The following ITSN1 variants were observed in gnomAD, a reference collection of about 807,000 sequenced individuals.
The protein encoded by ITSN1 is intersectin-1.
Under a neutral mutation model 239.8 loss-of-function variants are expected in ITSN1, and 58 were observed. That is an observed-to-expected ratio of 0.24 (90% CI 0.20 to 0.30). The LOEUF is 0.30. Among genes scored for constraint, ITSN1 ranks in the 10% least tolerant of loss-of-function variants. The pLI is 1.00. For missense variants in ITSN1, 1,558 were observed against 2,103.3 expected (o/e 0.74, Z 5.07); for synonymous variants, 780 against 770.8 (o/e 1.01, Z -0.20).
intron 1 of ITSN1, among the ~76,000 whole-genome samples, chr21:33,650,252 A>G (rs2088388110): frequency 6.6e-6 from 1 of 152,154 alleles, no homozygotes; most frequent in South Asian, 2.1e-4. Flanking sequence ...CAAGACATGG[A>G]TACAGTTCAT....
chr21:33,732,375 A>G (rs2066242346), intron 4 of ITSN1, among the ~76,000 whole-genome samples: 2 of 152,084 alleles, frequency 1.3e-5, no homozygotes, highest in Non-Finnish European at 2.9e-5. Flanking sequence ...CTAGTTTTTC[A>G]GGTTAATTTT....
intron 1 of ITSN1, among the ~76,000 whole-genome samples, chr21:33,679,944 T>C (rs775080885): frequency 4.6e-5 from 7 of 152,150 alleles, no homozygotes; most frequent in Non-Finnish European, 7.4e-5. Context: ...GTGATCCGCC[T>C]GTCTGGTCCT....
chr21:33,690,395 C>T (rs916018893), intron 1 of ITSN1, among the ~76,000 whole-genome samples: 5 of 151,498 alleles, frequency 3.3e-5, no homozygotes, highest in Admixed American at 6.6e-5. Flanking sequence ...GTCAGGAGAT[C>T]GAGACCATCC....
chr21:33,860,377 G>T (rs1289448936), intron 31 of ITSN1, among the ~76,000 whole-genome samples: 1 of 151,768 alleles, frequency 6.6e-6, no homozygotes, highest in African/African-American at 2.4e-5. Flanking sequence ...TCCTTGGGCA[G>T]CTATCAGTGG....
chr21:33,833,018 A>G (rs982977559), intron 27 of ITSN1, among the ~76,000 whole-genome samples: 1 of 150,782 alleles, frequency 6.6e-6, no homozygotes, highest in African/African-American at 2.4e-5. Context: ...GTGTGTGTGT[A>G]TGTGTACGCA....
At chr21:33,863,012 C>T (rs567622484) in intron 31 of ITSN1, among the ~76,000 whole-genome samples, 2 of 152,180 alleles carry the variant, frequency 1.3e-5, no homozygotes, top group Admixed American at 6.5e-5. Context: ...CATCTGTAAA[C>T]CTTTCTAGGA....
intron 27 of ITSN1, among the ~76,000 whole-genome samples, chr21:33,831,903 G>A (rs1469546910): frequency 6.6e-6 from 1 of 152,086 alleles, no homozygotes; most frequent in Non-Finnish European, 1.5e-5. Context: ...GCCTTCTCCT[G>A]TGCTGGGGAG....
chr21:33,674,442 T>A (rs1243575154), intron 1 of ITSN1, among the ~76,000 whole-genome samples: 1 of 152,162 alleles, frequency 6.6e-6, no homozygotes, highest in African/African-American at 2.4e-5. Flanking sequence ...TCTAACAAGT[T>A]CCCCATTAAT....
At position 33,819,504 on chromosome 21, in the gene ITSN1, A is replaced by G. The variant is rs2073512534; in HGVS notation, c.3016+181A>G. On this transcript the variant is annotated intron_variant, in intron 24 of 39. Transcript: ENST00000381318. ...TACTTCATGGAAAATACTGTCAGGT[A>G]TATTAATCATCAAAAACTGAATTTT... Among the ~76,000 whole-genome samples, 8 of 152,242 alleles carry G rather than the reference A, an allele frequency of 5.3e-5. No homozygotes were observed. The South Asian group carries it at 1.7e-3, about 31-fold the overall frequency.
intron 16 of ITSN1, among the ~76,000 whole-genome samples, chr21:33,789,561 G>C (rs781362725): frequency 6.6e-6 from 1 of 152,056 alleles, no homozygotes; most frequent in Non-Finnish European, 1.5e-5. Flanking sequence ...TTAACTGCTG[G>C]TCTCCTTTCA....
rs191164346 is a variant in ITSN1, at chr21:33,838,153, A to G, written c.3661+1521A>G. On this transcript the variant is annotated intron_variant, in intron 29 of 39. Coordinates refer to ENST00000381318, the MANE Select transcript of ITSN1 (RefSeq NM_003024.3). ...AAGCCCTGTTTGTCTTTTAAACACTAGTTGGAAGCTCTCAATAAAAATGCC... is the reference window on the plus strand; with the variant it reads ...AAGCCCTGTTTGTCTTTTAAACACTGGTTGGAAGCTCTCAATAAAAATGCC... 5,359 of 985,486 alleles carry G rather than the reference A, an allele frequency of 5.4e-3. 12 individuals carry two copies. The highest frequency in any genetic ancestry group is 6.6e-3 in the Admixed American group (108 of 16,294). The allele number at this position is 985,486 out of a possible 1,614,324, so 61.0% of individuals were successfully genotyped here.
chr21:33,666,761 T>C (rs573019869), intron 1 of ITSN1, among the ~76,000 whole-genome samples: 2 of 152,336 alleles, frequency 1.3e-5, no homozygotes, highest in African/African-American at 4.8e-5. Context: ...GTTCAGGTTA[T>C]TTTCATAGTA....
chr21:33,653,440 C>T (rs115102547), intron 1 of ITSN1, among the ~76,000 whole-genome samples: 2,087 of 152,282 alleles, frequency 0.014, 50 homozygotes, highest in African/African-American at 0.048. Flanking sequence ...TAAAAATTCT[C>T]GAGTTTTTCA....
At chr21:33,881,761 G>A (rs78070167) in intron 34 of ITSN1, among the ~76,000 whole-genome samples, 2,769 of 152,126 alleles carry the variant, frequency 0.018, 29 homozygotes, top group Non-Finnish European at 0.026. Context: ...TGGAACGATC[G>A]CTTGAAGTCA....
chr21:33,749,722 A>T (rs2067423207), intron 5 of ITSN1, among the ~76,000 whole-genome samples: 1 of 152,150 alleles, frequency 6.6e-6, no homozygotes. Context: ...CCTGAGGTAT[A>T]ATAAACATAG....
chr21:33,868,079 A>C (rs1442429835), intron 33 of ITSN1, among the ~76,000 whole-genome samples: 1 of 152,208 alleles, frequency 6.6e-6, no homozygotes, highest in Non-Finnish European at 1.5e-5. Context: ...GCCGGTTGCC[A>C]CTGCTGGCTC....
chr21:33,709,363 G>A (rs1482823662), intron 1 of ITSN1, among the ~76,000 whole-genome samples: 2 of 152,102 alleles, frequency 1.3e-5, no homozygotes, highest in African/African-American at 2.4e-5. Flanking sequence ...TGTTTGAGAC[G>A]GAGTTTCACT....
At chr21:33,804,372 A>C (rs899587393) in intron 20 of ITSN1, among the ~76,000 whole-genome samples, 5 of 152,246 alleles carry the variant, frequency 3.3e-5, no homozygotes, top group African/African-American at 1.2e-4. Flanking sequence ...AGCACTGTAG[A>C]TAATAGAAAA....
intron 31 of ITSN1, among the ~76,000 whole-genome samples, chr21:33,862,967 AGCCAGTTAATT>A (rs1980905783): frequency 6.6e-6 from 1 of 152,232 alleles, no homozygotes; most frequent in South Asian, 2.1e-4. Flanking sequence ...AACATTTGTT[AGCCAGTTAATT>A]GCCTTTTGCA....
Sources: gnomAD v4.1 joint callset for allele counts (sites outside exome capture counted in the v4.1 genomes callset) on GRCh38, gnomAD v4.1.1 for gene constraint, MANE v1.5 for transcripts, NCBI Gene and HGNC (gene_info 2026-07-23, HGNC 2026-07-21) for gene names.